AFF3: variants seen among roughly 807,000 people sequenced by gnomAD.
The protein encoded by AFF3 is AF4/FMR2 family member 3.
Under a neutral mutation model 129.7 loss-of-function variants are expected in AFF3, and 32 were observed. The observed-to-expected ratio is 0.25, with a 90% CI of 0.19 to 0.33. AFF3 has a LOEUF of 0.33. Ranked by LOEUF, AFF3 falls within the 10% of genes least tolerant of loss-of-function variation. The pLI is 1.00. For synonymous variants in AFF3, 644 were observed against 635.4 expected (o/e 1.01, Z -0.20); for missense variants, 1,373 against 1,592.0 (o/e 0.86, Z 2.34).
At chr2:99,721,344 C>G (rs13002698) in intron 11 of AFF3, among the ~76,000 whole-genome samples, 71 of 152,056 alleles carry the variant, frequency 4.7e-4, no homozygotes, top group Non-Finnish European at 8.8e-4. Flanking sequence ...TCCTGGCCAA[C>G]ATGGTGAAAT....
chr2:99,883,673 A>C (rs111911889), intron 7 of AFF3, among the ~76,000 whole-genome samples: 59 of 152,256 alleles, frequency 3.9e-4, no homozygotes, highest in African/African-American at 1.3e-3. Flanking sequence ...TCATTTCCTC[A>C]TTCTCGCCCT....
intron 7 of AFF3, among the ~76,000 whole-genome samples, chr2:99,886,410 G>A (rs1433102687): frequency 1.4e-5 from 2 of 143,784 alleles, no homozygotes; most frequent in African/African-American, 5.1e-5. Flanking sequence ...ACTCACTCGA[G>A]TCATTACAAT....
At chr2:99,912,462 T>C (rs1695166956) in intron 7 of AFF3, among the ~76,000 whole-genome samples, 1 of 152,168 alleles carries the variant, frequency 6.6e-6, no homozygotes, top group Admixed American at 6.5e-5. Flanking sequence ...ATGTCCCCAT[T>C]AAAACCCAAT....
At chr2:99,786,048 T>C (rs1166089667) in intron 8 of AFF3, among the ~76,000 whole-genome samples, 2 of 152,232 alleles carry the variant, frequency 1.3e-5, no homozygotes, top group Admixed American at 6.5e-5. Flanking sequence ...TGAGTTCACT[T>C]AGTGCCTGTG....
In AFF3 at chr2:99,643,015, AT is replaced by A. The variant is rs951470520; in HGVS notation, c.1184+6610del. On this transcript the variant is annotated intron_variant, in intron 13 of 24. Coordinates refer to ENST00000672756, the MANE Select transcript of AFF3 (RefSeq NM_001386135.1). ...AAGGGATAAATGCTTGAGGTAATGG[AT>A]TTTTTAAAAGTTTTTTATTCATATG... Among the ~76,000 whole-genome samples the A allele has an allele frequency of 4.2e-4, 62 of 146,730 alleles. 2 individuals carry two copies. Among genetic ancestry groups the A allele is most frequent in the South Asian group, 2.1e-4 (1 of 4,658 alleles).
chr2:99,924,823 CTACT>C (rs1282588699), intron 7 of AFF3, among the ~76,000 whole-genome samples: 1 of 152,040 alleles, frequency 6.6e-6, no homozygotes, highest in Non-Finnish European at 1.5e-5. Context: ...ACCCAAAATG[CTACT>C]TAATCAACTT....
intron 7 of AFF3, among the ~76,000 whole-genome samples, chr2:99,844,500 C>T (rs1259850634): frequency 7.1e-6 from 1 of 140,632 alleles, no homozygotes; most frequent in Non-Finnish European, 1.5e-5. Flanking sequence ...CACAGTGGCG[C>T]CATCTCGGCT....
At chr2:99,896,327 A>C (rs1693942769) in intron 7 of AFF3, among the ~76,000 whole-genome samples, 1 of 152,060 alleles carries the variant, frequency 6.6e-6, no homozygotes, top group African/African-American at 2.4e-5. Context: ...GGACCTCTGA[A>C]GCTTCCCCAT....
At position 99,872,594 on chromosome 2, in the gene AFF3, A is replaced by AAAAATAAAATAAAATAAAATAAAAT. The variant is rs369133072; in HGVS notation, c.874-35095_874-35071dup. ...AGTCCTATGCAAAAATGCTTCTTAC[A>AAAAATAAAATAAAATAAAATAAAAT]AAAATAAAATAAAATAAAATAAAAT... On this transcript the variant is annotated intron_variant, in intron 7 of 24. Coordinates refer to ENST00000672756, the MANE Select transcript of AFF3 (RefSeq NM_001386135.1). Among the ~76,000 whole-genome samples the AAAAATAAAATAAAATAAAATAAAAT allele has an allele frequency of 2.4e-3, 302 of 127,592 alleles. 2 individuals are homozygous for AAAAATAAAATAAAATAAAATAAAAT. The highest frequency in any genetic ancestry group is 9.0e-3 in the African/African-American group (294 of 32,842). 83.7% of individuals were successfully genotyped at this position (127,592 alleles called of 152,430 possible).
chr2:99,584,622 C>T (rs1321751137), intron 16 of AFF3, among the ~76,000 whole-genome samples: 1 of 152,174 alleles, frequency 6.6e-6, no homozygotes, highest in African/African-American at 2.4e-5. Flanking sequence ...GAGGGATTCA[C>T]TTATATCTGA....
At chr2:100,122,780 A>G (rs1310911615) in intron 2 of AFF3, among the ~76,000 whole-genome samples, 1 of 152,252 alleles carries the variant, frequency 6.6e-6, no homozygotes, top group Non-Finnish European at 1.5e-5. Context: ...TTAAATCTTT[A>G]GAGATTCACA....
At chr2:99,642,573 T>C (rs1372047385) in intron 13 of AFF3, among the ~76,000 whole-genome samples, 1 of 152,248 alleles carries the variant, frequency 6.6e-6, no homozygotes, top group African/African-American at 2.4e-5. Context: ...CATTCATTTA[T>C]CAAATGACTT....
At chr2:99,820,140 CGTT>C (rs1335410411) in intron 8 of AFF3, among the ~76,000 whole-genome samples, 4 of 152,074 alleles carry the variant, frequency 2.6e-5, no homozygotes, top group African/African-American at 7.2e-5. Context: ...CTGAGAAATG[CGTT>C]GTTGGGTGAA....
intron 4 of AFF3, among the ~76,000 whole-genome samples, chr2:100,022,594 T>G (rs994903483): frequency 6.6e-6 from 1 of 152,038 alleles, no homozygotes; most frequent in Non-Finnish European, 1.5e-5. Flanking sequence ...TTATTTTTAG[T>G]AGAGATGGGG....
chr2:99,826,891 G>A (rs932362833), intron 8 of AFF3, among the ~76,000 whole-genome samples: 2 of 151,642 alleles, frequency 1.3e-5, no homozygotes, highest in Non-Finnish European at 2.9e-5. Flanking sequence ...GGTCTCTGGA[G>A]TCATGTAGGA....
chr2:99,582,053 C>A (rs1397884491), intron 17 of AFF3, among the ~76,000 whole-genome samples: 6 of 151,970 alleles, frequency 3.9e-5, no homozygotes, highest in Non-Finnish European at 8.8e-5. Flanking sequence ...TGGGGTTTCA[C>A]CATGTTGGCC....
intron 13 of AFF3, among the ~76,000 whole-genome samples, chr2:99,611,626 CT>C (rs1680934346): frequency 1.3e-5 from 2 of 152,062 alleles, no homozygotes; most frequent in African/African-American, 4.8e-5. Context: ...TGGCTCACAC[CT>C]GTAATCCCAA....
chr2:99,601,715 G>A (rs1039126368), intron 13 of AFF3, 94 bp from the exon 14 acceptor site: 14 of 1,426,886 alleles, frequency 9.8e-6, no homozygotes, highest in Non-Finnish European at 1.0e-5. Context: ...CCCTAAAGAG[G>A]GAGGAGGCAC....
At chr2:99,961,991 G>A (rs1270542715) in intron 7 of AFF3, among the ~76,000 whole-genome samples, 1 of 152,108 alleles carries the variant, frequency 6.6e-6, no homozygotes, top group African/African-American at 2.4e-5. Context: ...CCATGCAAGG[G>A]GGATCACCCA....
Sources: gnomAD v4.1 joint callset for allele counts (sites outside exome capture counted in the v4.1 genomes callset) on GRCh38, gnomAD v4.1.1 for gene constraint, MANE v1.5 for transcripts, NCBI Gene and HGNC (gene_info 2026-07-23, HGNC 2026-07-21) for gene names.